The following SHANK2 variants were observed in gnomAD, a reference collection of about 807,000 sequenced individuals.
SHANK2 encodes SH3 and multiple ankyrin repeat domains protein 2.
A neutral mutation model predicts 133.7 loss-of-function variants in SHANK2; 43 were observed. That is an observed-to-expected ratio of 0.32 (90% CI 0.25 to 0.41). The LOEUF is 0.41. Among genes scored for constraint, SHANK2 ranks in the 10% least tolerant of loss-of-function variants. The probability of loss-of-function intolerance (pLI) is 1.00; values close to 1 mark genes in which losing one functional copy is unlikely to be tolerated. For synonymous variants in SHANK2, 1,017 were observed against 952.8 expected, an observed-to-expected ratio of 1.07 and a Z score of -1.24; for missense variants, 1,994 against 2,235.8, an observed-to-expected ratio of 0.89 and a Z score of 2.18.
At chr11:70,938,034 T>C (rs1437055148) in intron 10 of SHANK2, among the ~76,000 whole-genome samples, 2 of 152,244 alleles carry the variant, frequency 1.3e-5, no homozygotes, top group Non-Finnish European at 2.9e-5. Context: ...TTTTCTGGCA[T>C]GTCCTTCTCC....
intron 3 of SHANK2, among the ~76,000 whole-genome samples, 169 bp from the exon 4 acceptor site, chr11:71,119,201 G>A (rs1156733328): frequency 6.6e-6 from 1 of 152,158 alleles, no homozygotes; most frequent in Non-Finnish European, 1.5e-5. Context: ...ACTGGTTGCT[G>A]GGACACAGAC....
At chr11:70,780,550 A>G (rs1449864768) in intron 14 of SHANK2, among the ~76,000 whole-genome samples, 2 of 149,856 alleles carry the variant, frequency 1.3e-5, no homozygotes, top group Non-Finnish European at 3.0e-5. Context: ...ATCTTTAAAG[A>G]CAAAACTGTT....
intron 14 of SHANK2, among the ~76,000 whole-genome samples, chr11:70,741,528 G>C (rs1946526749): frequency 6.6e-6 from 1 of 152,058 alleles, no homozygotes; most frequent in South Asian, 2.1e-4. Flanking sequence ...GTACCTCACT[G>C]AGTACCTACC....
At chr11:70,910,413 G>A (rs1555078745) in intron 10 of SHANK2, among the ~76,000 whole-genome samples, 4 of 152,148 alleles carry the variant, frequency 2.6e-5, no homozygotes, top group African/African-American at 7.2e-5. Flanking sequence ...AGAGGCTACC[G>A]CACACTCGAT....
chr11:70,644,656 A>C lies in SHANK2; in HGVS notation c.2061+15172T>G, dbSNP rs1419152302. ...ACACACCTTTCCAACATGCATTCCC[A>C]GAGACAATGCAGATCTCAGCAAAGT... On this transcript the variant is annotated intron_variant, in intron 17 of 25. Transcript: ENST00000601538. Among the ~76,000 whole-genome samples the C allele has an allele frequency of 1.3e-5, 2 of 152,224 alleles. 1 individual carries two copies. The highest frequency in any genetic ancestry group is 4.8e-5 in the African/African-American group (2 of 41,442).
intron 1 of SHANK2, among the ~76,000 whole-genome samples, chr11:71,245,409 G>A (rs868982230): frequency 2.6e-5 from 4 of 152,166 alleles, no homozygotes; most frequent in Non-Finnish European, 2.9e-5. Flanking sequence ...TTCTAATAGC[G>A]TAAATAACAA....
Position 70,472,928 on chromosome 11 carries a change from T to C in SHANK2, c.5491A>G (p.Thr1831Ala). 1.9e-6 allele frequency: 3 copies of C among 1,614,218 alleles called. No homozygotes were observed. The highest frequency in any genetic ancestry group is 2.5e-6 in the Non-Finnish European group (3 of 1,180,028). Residue 1831 changes from threonine (T) to alanine (A), a missense_variant, in exon 26 of 26, where the codon ACT becomes GCT. This residue lies in a region of SHANK2 where 42 missense variants were observed against 79.9 expected (regional missense o/e 0.53). Coordinates refer to ENST00000601538, the MANE Select transcript of SHANK2 (RefSeq NM_012309.5). This position sits in a 1 kb window ranked among gnomAD's most constrained non-coding sequence, Gnocchi z 4.4. ...QKEDLIDLGV[T>A]RVGHRMNIER... ...ATGTTCATTCTGTGCCCGACTCGAG[T>C]TACCCCAAGATCGATGAGGTCCTCC...
At chr11:70,511,468 A>G (rs1035906733) in intron 17 of SHANK2, among the ~76,000 whole-genome samples, 4 of 152,238 alleles carry the variant, frequency 2.6e-5, no homozygotes, top group African/African-American at 9.6e-5. Context: ...TCATATGCTC[A>G]GGTTGGCATC....
chr11:70,506,770 G>C (rs2059142679), intron 17 of SHANK2, among the ~76,000 whole-genome samples: 1 of 152,156 alleles, frequency 6.6e-6, no homozygotes, highest in Non-Finnish European at 1.5e-5. Flanking sequence ...TGGGTCCGGA[G>C]CCTGTGGGGG....
intron 11 of SHANK2, among the ~76,000 whole-genome samples, chr11:70,827,260 CT>C (rs34414800): frequency 2.7e-4 from 37 of 137,162 alleles, no homozygotes; most frequent in Admixed American, 2.9e-4. Context: ...CCCCCTCCTA[CT>C]TTTTTTTTTT....
At chr11:70,498,604 C>T (rs146800358) in intron 21 of SHANK2, among the ~76,000 whole-genome samples, 1 of 152,336 alleles carries the variant, frequency 6.6e-6, no homozygotes, top group East Asian at 1.9e-4. Context: ...TCAGAGAACA[C>T]TTAAAGACTA....
At chr11:71,233,635 A>C (rs1954781299) in intron 1 of SHANK2, among the ~76,000 whole-genome samples, 1 of 152,260 alleles carries the variant, frequency 6.6e-6, no homozygotes, top group Admixed American at 6.5e-5. Context: ...TGTAAATTAT[A>C]TCTCAACAAA....
rs575664805 is a variant in SHANK2 at position 70,689,188 on chromosome 11, G to A, written c.1853+9500C>T. On this transcript the variant is annotated intron_variant, in intron 15 of 25. Coordinates refer to ENST00000601538, the MANE Select transcript of SHANK2 (RefSeq NM_012309.5). ...CCATTGTTGAAAGGAAAAGCTCTTG[G>A]ACAGTAACAGTGTGATTGACAAAAT... Among the ~76,000 whole-genome samples, 4 of 152,328 alleles carry A rather than the reference G, an allele frequency of 2.6e-5. No individual in the cohort carries two copies. In the East Asian group the frequency reaches 5.8e-4, roughly 22 times the overall value.
rs572907665 is a variant in SHANK2 at position 70,592,012 on chromosome 11, G to A, written c.2061+67816C>T. ...CGCGCCATCGCACTCCAGTCTGGGC[G>A]ATAGAGCGAGACTCCGTCTAAAAAA... On this transcript the variant is annotated intron_variant, in intron 17 of 25. Transcript: ENST00000601538. Among the ~76,000 whole-genome samples, 21 of 151,856 alleles carry A rather than the reference G, an allele frequency of 1.4e-4. No individual in the cohort carries two copies. In the East Asian group the frequency reaches 2.1e-3, roughly 15 times the overall value.
chr11:70,893,458 A>C (rs1590805217), intron 11 of SHANK2, among the ~76,000 whole-genome samples: 1 of 152,214 alleles, frequency 6.6e-6, no homozygotes, highest in East Asian at 1.9e-4. Flanking sequence ...TCAGGATTTC[A>C]CAACAGATTC....
intron 14 of SHANK2, among the ~76,000 whole-genome samples, chr11:70,731,971 CT>C (rs1946299103): frequency 6.6e-6 from 1 of 152,124 alleles, no homozygotes; most frequent in Non-Finnish European, 1.5e-5. Flanking sequence ...CTCCTGGCCA[CT>C]CCTGTGGCCT....
intron 4 of SHANK2, among the ~76,000 whole-genome samples, chr11:71,117,308 C>T (rs1555100550): frequency 1.3e-5 from 2 of 152,226 alleles, no homozygotes; most frequent in African/African-American, 2.4e-5. Context: ...GCATGAGCCA[C>T]CTCACCCAGC....
Position 70,946,719 on chromosome 11 carries a change from T to C in SHANK2, c.1108-50152A>G, listed in dbSNP as rs550828994. On this transcript the variant is annotated intron_variant, in intron 10 of 25. Transcript: ENST00000601538. ...TCCCAGACTCACCCTCCCTCTCCAC[T>C]AACCAACCCTTCCCTAGGCTCAACC... Among the ~76,000 whole-genome samples the C allele has an allele frequency of 6.6e-5, 9 of 136,778 alleles. No homozygotes were observed. In the East Asian group the frequency reaches 1.7e-3, roughly 25 times the overall value. The allele number at this position is 136,778 out of a possible 152,430, so 89.7% of individuals were successfully genotyped here. A position where few individuals can be genotyped will look rare whatever the true frequency, so the allele number is the denominator to read the frequency against.
intron 17 of SHANK2, among the ~76,000 whole-genome samples, chr11:70,621,375 C>T (rs978695144): frequency 6.6e-6 from 1 of 152,232 alleles, no homozygotes; most frequent in African/African-American, 2.4e-5. Flanking sequence ...GAACCCAGAC[C>T]AGCTTGGAGC....
Sources: allele counts gnomAD v4.1 joint callset (sites outside exome capture counted in the v4.1 genomes callset), GRCh38; gene constraint gnomAD v4.1.1; regional missense constraint gnomAD v4.1.1; non-coding constraint Gnocchi (gnomAD v3.1); transcripts MANE v1.5; gene names NCBI Gene and HGNC (gene_info 2026-07-23, HGNC 2026-07-21).